The following LIPC variants were observed in gnomAD, a reference collection of about 807,000 sequenced individuals.
LIPC encodes lipase C, hepatic type.
LIPC carries 44 observed loss-of-function variants against 50.7 expected under a neutral mutation model. The ratio of observed to expected loss-of-function variants is 0.87; its 90% CI spans 0.68 to 1.11. The LOEUF is 1.11. Ranked by LOEUF, LIPC falls within the 50% of genes most tolerant of loss-of-function variation. The pLI is 0.00. For missense variants in LIPC, 697 were observed against 648.2 expected (o/e 1.08, Z -0.82); for synonymous variants, 271 against 256.4 (o/e 1.06, Z -0.54).
At chr15:58,507,958 T>G (rs1341677547) in intron 1 of LIPC, among the ~76,000 whole-genome samples, 1 of 152,164 alleles carries the variant, frequency 6.6e-6, no homozygotes, top group Non-Finnish European at 1.5e-5. Flanking sequence ...TGTTGGGACT[T>G]CAGAGCAGAC....
chr15:58,516,613 C>T (rs1892496882), intron 1 of LIPC, among the ~76,000 whole-genome samples: 1 of 152,140 alleles, frequency 6.6e-6, no homozygotes. Flanking sequence ...ATCTGTTATT[C>T]ATCCCACCTA....
At chr15:58,464,765 G>A (rs1236179094) in intron 1 of LIPC, among the ~76,000 whole-genome samples, 2 of 152,210 alleles carry the variant, frequency 1.3e-5, no homozygotes, top group Non-Finnish European at 2.9e-5. Flanking sequence ...CTGAGGTCAG[G>A]GGTTCAAAAC....
At chr15:58,460,794 G>A (rs1436768514) in intron 1 of LIPC, among the ~76,000 whole-genome samples, 1 of 152,206 alleles carries the variant, frequency 6.6e-6, no homozygotes, top group Admixed American at 6.5e-5. Context: ...GCGAGAATGG[G>A]AAGTCAGGAG....
At chr15:58,565,490 C>A (rs574434006) in intron 8 of LIPC, 1,057 of 1,388,014 alleles carry the variant, frequency 7.6e-4, no homozygotes, top group Non-Finnish European at 9.0e-4. Context: ...ACGGGGTGAG[C>A]ATTGAAGCAG....
At chr15:58,493,534 T>C (rs1477485908) in intron 1 of LIPC, among the ~76,000 whole-genome samples, 17 of 150,482 alleles carry the variant, frequency 1.1e-4, no homozygotes, top group Non-Finnish European at 1.3e-4. Context: ...GTATGTATTT[T>C]GTATATATAC....
chr15:58,545,885 C>T lies in LIPC; in HGVS notation c.718C>T (p.His240Tyr), dbSNP rs755192110. Reference protein sequence around the residue: ...LSVGIKQPIGHYDFYPNGGSF... With the variant: ...LSVGIKQPIGYYDFYPNGGSF... Reference sequence around the variant, plus strand: ...CGTGGGCATCAAACAGCCCATAGGACACTATGACTTCTATCCCAACGGGGG... The same window carrying T: ...CGTGGGCATCAAACAGCCCATAGGATACTATGACTTCTATCCCAACGGGGG... The change falls in exon 5 of 9, where the codon CAC (histidine) becomes TAC (tyrosine). Residue 240 changes from histidine to tyrosine, a missense_variant. Coordinates refer to ENST00000299022, the MANE Select transcript of LIPC (RefSeq NM_000236.3). 1.2e-6 allele frequency: 2 copies of T among 1,614,164 alleles called. No individual in the cohort carries two copies. Among genetic ancestry groups the T allele is most frequent in the African/African-American group, 1.3e-5 (1 of 75,034 alleles).
chr15:58,565,513 A>C (rs1468447281), intron 8 of LIPC: 1 of 1,367,332 alleles, frequency 7.3e-7, no homozygotes, highest in Non-Finnish European at 9.4e-7. Context: ...GCTCCATGGC[A>C]TTGGTCTCAC....
chr15:58,546,021 G>A, intron 5 of LIPC, 46 bp downstream of exon 5: 1 of 1,448,008 alleles, frequency 6.9e-7, no homozygotes, highest in Non-Finnish European at 9.7e-7. Context: ...ACATTTCAAT[G>A]GGGCCTCTGG....
intron 1 of LIPC, among the ~76,000 whole-genome samples, chr15:58,485,908 G>A (rs1469179216): frequency 6.6e-6 from 1 of 152,206 alleles, no homozygotes; most frequent in Non-Finnish European, 1.5e-5. Context: ...GCTGTGTGAG[G>A]ACGTCGGCAA....
Position 58,548,519 on chromosome 15 carries a change from GGAGCAA to G in LIPC, c.1008_1013del (p.Ser336_Lys337del), listed in dbSNP as rs1893622373. Reference sequence around the variant, plus strand: ...GGCTACCACGTCCGCCAGGAGCCGCGGAGCAAGAGCAAGAGGCTCTTCCTCGTAACG... The same window carrying G: ...GGCTACCACGTCCGCCAGGAGCCGCGGAGCAAGAGGCTCTTCCTCGTAACG... On this transcript the variant is annotated inframe_deletion, in exon 6 of 9. Transcript: ENST00000299022. 1.2e-6 allele frequency: 2 copies of G among 1,601,680 alleles called. No homozygotes were observed. Among genetic ancestry groups the G allele is most frequent in the East Asian group, 4.5e-5 (2 of 44,608 alleles).
At chr15:58,504,289 C>G (rs1892076821) in intron 1 of LIPC, among the ~76,000 whole-genome samples, 1 of 152,178 alleles carries the variant, frequency 6.6e-6, no homozygotes, top group South Asian at 2.1e-4. Context: ...TGTTGTCAGG[C>G]AGCCCAGGGC....
rs150176124 is a variant in LIPC at position 58,564,381 on chromosome 15, C to T, written c.1388+658C>T. On this transcript the variant is annotated intron_variant, in intron 8 of 8. Transcript: ENST00000299022. ...CTGCTGTGTTTGATTTAACATCTCC[C>T]GTGGCCCCAAAGTCTCCAGGGATAC... is the stretch of plus-strand genomic sequence containing the variant. Among the ~76,000 whole-genome samples, 1,061 of 152,056 alleles carry T rather than the reference C, an allele frequency of 7.0e-3. 11 individuals are homozygous for T. Among genetic ancestry groups the T allele is most frequent in the African/African-American group, 0.024 (995 of 41,492 alleles).
rs142898685 is a variant in LIPC at position 58,471,935 on chromosome 15, G to C, written c.88+39815G>C. Among the ~76,000 whole-genome samples, 1,240 of 152,182 alleles carry C rather than the reference G, an allele frequency of 8.1e-3. 18 individuals carry two copies. The highest frequency in any genetic ancestry group is 0.027 in the African/African-American group (1,141 of 41,506). ...GGACATAGCTCTTTGGGGCCATAAA[G>C]GCATTAGCTCACCCTTCTCAGCCCC... On this transcript the variant is annotated intron_variant, in intron 1 of 8. Coordinates refer to ENST00000299022, the MANE Select transcript of LIPC (RefSeq NM_000236.3).
At chr15:58,489,683 A>T (rs1208464781) in intron 1 of LIPC, among the ~76,000 whole-genome samples, 1 of 151,760 alleles carries the variant, frequency 6.6e-6, no homozygotes, top group Non-Finnish European at 1.5e-5. Flanking sequence ...AAATCTTGTG[A>T]CCTCTGGCCA....
At chr15:58,516,611 T>C (rs1327489886) in intron 1 of LIPC, among the ~76,000 whole-genome samples, 1 of 152,238 alleles carries the variant, frequency 6.6e-6, no homozygotes, top group Non-Finnish European at 1.5e-5. Flanking sequence ...TAATCTGTTA[T>C]TCATCCCACC....
intron 7 of LIPC, among the ~76,000 whole-genome samples, chr15:58,562,385 T>A (rs538022370): frequency 6.6e-6 from 1 of 152,204 alleles, no homozygotes; most frequent in East Asian, 1.9e-4. Flanking sequence ...TTCCAGTGAG[T>A]TCATAACCCA....
intron 2 of LIPC, among the ~76,000 whole-genome samples, chr15:58,540,385 C>A (rs180844587): frequency 2.0e-5 from 3 of 152,292 alleles, no homozygotes; most frequent in African/African-American, 7.2e-5. Flanking sequence ...TAACGTATTT[C>A]TCCTTCATAA....
At chr15:58,533,646 GA>G (rs1893021332) in intron 1 of LIPC, among the ~76,000 whole-genome samples, 1 of 152,098 alleles carries the variant, frequency 6.6e-6, no homozygotes, top group Admixed American at 6.6e-5. Context: ...GATGCTATGA[GA>G]AAATGATAAT....
Position 58,568,986 on chromosome 15 carries a change from T to A in LIPC, c.*159T>A. 1 of 527,564 alleles carries A rather than the reference T, an allele frequency of 1.9e-6. No homozygotes were observed. Among genetic ancestry groups the A allele is most frequent in the Non-Finnish European group, 3.3e-6 (1 of 300,168 alleles). 32.7% of individuals were successfully genotyped at this position (527,564 alleles called of 1,614,324 possible). A position where few individuals can be genotyped will look rare whatever the true frequency, so the allele number is the denominator to read the frequency against. ...TGTTTCACTCTCATAAACTGAGCTT[T>A]TAAAAACGATATGATATAACTATTT... On this transcript the variant is annotated 3_prime_UTR_variant, in exon 9 of 9. Coordinates refer to ENST00000299022, the MANE Select transcript of LIPC (RefSeq NM_000236.3).
Sources: gnomAD v4.1 joint callset for allele counts (sites outside exome capture counted in the v4.1 genomes callset) on GRCh38, gnomAD v4.1.1 for gene constraint, MANE v1.5 for transcripts, NCBI Gene and HGNC (gene_info 2026-07-23, HGNC 2026-07-21) for gene names.